The following DDC variants were observed in gnomAD, a reference collection of about 807,000 sequenced individuals.
The protein encoded by DDC is dopa decarboxylase, also known as aromatic-L-amino-acid decarboxylase.
Under a neutral mutation model 60.0 loss-of-function variants are expected in DDC, and 43 were observed. The observed-to-expected ratio is 0.72, with a 90% CI of 0.56 to 0.92. The LOEUF (loss-of-function observed/expected upper bound fraction) is 0.92. Ranked by LOEUF, DDC falls within the 40% of genes least tolerant of loss-of-function variation. DDC has a pLI of 0.00. For missense variants in DDC, 573 were observed against 620.2 expected, an observed-to-expected ratio of 0.92 and a Z score of 0.81; for synonymous variants, 232 against 234.6, an observed-to-expected ratio of 0.99 and a Z score of 0.10.
intron 1 of DDC, among the ~76,000 whole-genome samples, chr7:50,553,101 C>A (rs1427491201): frequency 2.6e-5 from 4 of 152,234 alleles, no homozygotes; most frequent in Non-Finnish European, 5.9e-5. Context: ...CCCATCCACG[C>A]CACTGTGCAT....
chr7:50,565,040 A>T (rs1280621041), intron 1 of DDC, among the ~76,000 whole-genome samples: 1 of 152,198 alleles, frequency 6.6e-6, no homozygotes, highest in Non-Finnish European at 1.5e-5. Context: ...TCATGAAATC[A>T]TTCCCAGCAC....
intron 4 of DDC, among the ~76,000 whole-genome samples, chr7:50,535,319 G>A (rs2044366172): frequency 6.6e-6 from 1 of 152,062 alleles, no homozygotes. Flanking sequence ...GATAATTTTT[G>A]TATTTTTAGT....
intron 13 of DDC, among the ~76,000 whole-genome samples, chr7:50,463,666 A>C (rs2042334589): frequency 6.6e-6 from 1 of 152,224 alleles, no homozygotes; most frequent in South Asian, 2.1e-4. Context: ...ATGTGCCATC[A>C]AAAGATGACC....
At chr7:50,489,269 AG>A (rs948086221) in intron 9 of DDC, among the ~76,000 whole-genome samples, 7 of 152,140 alleles carry the variant, frequency 4.6e-5, no homozygotes, top group Non-Finnish European at 8.8e-5. Context: ...GGCCTCCCAA[AG>A]TGCTGGGATT....
At chr7:50,494,106 A>G (rs764019213) in intron 9 of DDC, among the ~76,000 whole-genome samples, 1 of 152,164 alleles carries the variant, frequency 6.6e-6, no homozygotes, top group Non-Finnish European at 1.5e-5. Flanking sequence ...ATCACTGCCC[A>G]TCATCATTAT....
At chr7:50,460,913 G>A (rs925876265) in intron 14 of DDC, among the ~76,000 whole-genome samples, 2 of 151,484 alleles carry the variant, frequency 1.3e-5, no homozygotes, top group Non-Finnish European at 2.9e-5. Context: ...CAAACACTGC[G>A]GAAGGCCGCA....
rs562298770 is a variant in DDC at position 50,459,384 on chromosome 7, T to C, written c.*19-541A>G. On this transcript the variant is annotated intron_variant, in intron 14 of 14. Transcript: ENST00000444124. ...AGCCTCTGCCCGGCCGCCACCCCGG[T>C]TGGGAAGTGCGGAGCGTCTCTGCCT... Among the ~76,000 whole-genome samples, 24 of 151,314 alleles carry C rather than the reference T, an allele frequency of 1.6e-4. No homozygotes were observed. In the East Asian group the frequency reaches 2.6e-3, roughly 16 times the overall value.
chr7:50,492,683 A>G, intron 9 of DDC: 2 of 1,221,722 alleles, frequency 1.6e-6, no homozygotes, highest in South Asian at 1.7e-5. Flanking sequence ...TCTACAAGGA[A>G]ATTTTCCAAA....
At chr7:50,518,211 C>CAAAA (rs58099021) in intron 6 of DDC, among the ~76,000 whole-genome samples, 4 of 125,656 alleles carry the variant, frequency 3.2e-5, no homozygotes, top group African/African-American at 1.2e-4. Context: ...GACTCCATCT[C>CAAAA]AAAAAAAAAA....
intron 6 of DDC, among the ~76,000 whole-genome samples, chr7:50,518,357 C>T (rs909345908): frequency 3.3e-5 from 5 of 151,992 alleles, no homozygotes; most frequent in Admixed American, 3.3e-4. Flanking sequence ...AAAATACCAC[C>T]ATCATTCTTC....
chr7:50,472,011 G>A (rs2042544006), intron 11 of DDC, among the ~76,000 whole-genome samples: 1 of 152,308 alleles, frequency 6.6e-6, no homozygotes, highest in Non-Finnish European at 1.5e-5. Flanking sequence ...GTCCCGGAGT[G>A]AAAATGCACA....
chr7:50,529,432 T>C (rs368777981), intron 4 of DDC, 90 bp from the exon 5 acceptor site: 9 of 1,514,738 alleles, frequency 5.9e-6, no homozygotes, highest in Non-Finnish European at 6.4e-6. Context: ...TTTGTGTCCA[T>C]AGTTTTCTTA....
chr7:50,458,678 A>G lies in DDC; in HGVS notation c.*184T>C, dbSNP rs989220910. 11 of 152,206 alleles carry G rather than the reference A, an allele frequency of 7.2e-5. No homozygotes were observed. The highest frequency in any genetic ancestry group is 2.7e-4 in the African/African-American group (11 of 41,452). 9.4% of individuals were successfully genotyped at this position (152,206 alleles called of 1,614,324 possible). ...AGATTAACTTTTTAATTAGCAAATA[A>G]TATTTCTTTGTTGATGAGATACTAA... is the stretch of plus-strand genomic sequence containing the variant. On this transcript the variant is annotated 3_prime_UTR_variant, in exon 15 of 15. Transcript: ENST00000444124.
chr7:50,561,002 A>C (rs1391635389), intron 1 of DDC: 1 of 151,756 alleles, frequency 6.6e-6, no homozygotes, highest in Non-Finnish European at 1.5e-5. Flanking sequence ...GAGGACAAAG[A>C]GCAGTACTCA....
At chr7:50,465,560 C>T (rs1008214771) in intron 13 of DDC, among the ~76,000 whole-genome samples, 4 of 152,160 alleles carry the variant, frequency 2.6e-5, no homozygotes, top group Non-Finnish European at 5.9e-5. Flanking sequence ...GTAGTAGAGA[C>T]GAGGTTTCAC....
At chr7:50,477,524 C>T (rs2042672681) in intron 10 of DDC, 1 of 456,532 alleles carries the variant, frequency 2.2e-6, no homozygotes, top group African/African-American at 2.0e-5. Context: ...ACAAGCTGTC[C>T]ACCTAATACA....
rs1012838444 is a variant in DDC, at chr7:50,488,850, T to G, written c.944+6500A>C. On this transcript the variant is annotated intron_variant, in intron 9 of 14. Transcript: ENST00000444124. ...TTAATTTCATCTCGCTGTTTTCAGC[T>G]TTCTCTCCCCTTCAAGAGGGCCCGA... Among the ~76,000 whole-genome samples, 5 of 152,352 alleles carry G rather than the reference T, an allele frequency of 3.3e-5. No homozygotes were observed. In the East Asian group the frequency reaches 9.6e-4, roughly 29 times the overall value.
chr7:50,485,903 G>A (rs1199135966), intron 9 of DDC, among the ~76,000 whole-genome samples: 4 of 152,086 alleles, frequency 2.6e-5, no homozygotes, highest in Non-Finnish European at 5.9e-5. Context: ...CTGCCTCTTA[G>A]ATGGGATAAT....
At chr7:50,459,641 C>CCGTCTGGGAGGTGAGGAGCGTCTCTGCCT (rs1562974005) in intron 14 of DDC, 1 of 168,310 alleles carries the variant, frequency 5.9e-6, no homozygotes, top group East Asian at 1.8e-4. Flanking sequence ...CGCCTCTACC[C>CCGTCTGGGAGGTGAGGAGCGTCTCTGCCT]GGCCGCGACC....
Sources: allele counts gnomAD v4.1 joint callset (sites outside exome capture counted in the v4.1 genomes callset), GRCh38; gene constraint gnomAD v4.1.1; transcripts MANE v1.5; gene names NCBI Gene and HGNC (gene_info 2026-07-23, HGNC 2026-07-21).